The following MEIS2 variants were observed in gnomAD, a reference collection of about 807,000 sequenced individuals.
MEIS2 encodes homeobox protein Meis2.
A neutral mutation model predicts 58.6 loss-of-function variants in MEIS2; 9 were observed. That is an observed-to-expected ratio of 0.15 (90% confidence interval 0.09 to 0.27). MEIS2 has a LOEUF of 0.27. Ranked by LOEUF, MEIS2 falls within the 10% of genes least tolerant of loss-of-function variation. The pLI is 1.00. For missense variants in MEIS2, 427 were observed against 635.0 expected (o/e 0.67, Z 3.52); for synonymous variants, 221 against 228.4 (o/e 0.97, Z 0.29).
At chr15:37,078,996 G>A (rs1344955254) in intron 7 of MEIS2, among the ~76,000 whole-genome samples, 1 of 151,982 alleles carries the variant, frequency 6.6e-6, no homozygotes, top group Non-Finnish European at 1.5e-5. Context: ...TGCTCCTAGA[G>A]CATTTATTTA....
At chr15:36,949,961 A>G (rs1310163187) in intron 9 of MEIS2, among the ~76,000 whole-genome samples, 3 of 152,022 alleles carry the variant, frequency 2.0e-5, no homozygotes, top group African/African-American at 7.2e-5. Context: ...CCGTATGAGG[A>G]CTGTGCAAAA....
At chr15:36,894,861 T>C in intron 11 of MEIS2, 1 of 1,415,444 alleles carries the variant, frequency 7.1e-7, no homozygotes, top group Non-Finnish European at 1.0e-6. Flanking sequence ...CAGCAATAAT[T>C]GATGGTGAAA....
intron 8 of MEIS2, among the ~76,000 whole-genome samples, chr15:36,989,279 G>A (rs1220981070): frequency 6.6e-6 from 1 of 152,196 alleles, no homozygotes; most frequent in African/African-American, 2.4e-5. Context: ...TGGTTTTCCT[G>A]TAAATTTTCA....
At chr15:37,029,629 G>A (rs753361700) in intron 8 of MEIS2, among the ~76,000 whole-genome samples, 36 of 152,124 alleles carry the variant, frequency 2.4e-4, no homozygotes, top group Non-Finnish European at 4.7e-4. Flanking sequence ...TAAGCTCTGA[G>A]CGGCTTCAAG....
At chr15:37,065,930 C>G (rs1275017163) in intron 7 of MEIS2, among the ~76,000 whole-genome samples, 1 of 152,082 alleles carries the variant, frequency 6.6e-6, no homozygotes, top group Non-Finnish European at 1.5e-5. Context: ...CACAAATAAG[C>G]ATTTTTACTT....
In MEIS2 at chr15:36,889,960, A is replaced by T. The variant is rs2055792008; in HGVS notation, c.*2213T>A. 6.6e-6 allele frequency: 1 copy of T among 152,174 alleles called. No individual in the cohort carries two copies. The highest frequency in any genetic ancestry group is 1.5e-5 in the Non-Finnish European group (1 of 68,014). 9.4% of individuals were successfully genotyped at this position (152,174 alleles called of 1,614,324 possible). ...AACAGCAACACAACACTTAAACTGA[A>T]ATGTATTTGTAAAAATTCTACCTGA... On this transcript the variant is annotated 3_prime_UTR_variant, in exon 12 of 12. Coordinates refer to ENST00000561208, the MANE Select transcript of MEIS2 (RefSeq NM_170675.5).
At chr15:37,070,396 T>A (rs1429790643) in intron 7 of MEIS2, among the ~76,000 whole-genome samples, 1 of 152,126 alleles carries the variant, frequency 6.6e-6, no homozygotes, top group Non-Finnish European at 1.5e-5. Flanking sequence ...CCGGACCACA[T>A]TTTCCAGAGT....
chr15:36,930,819 T>C (rs1194760), intron 9 of MEIS2, among the ~76,000 whole-genome samples: 15,038 of 152,262 alleles, frequency 0.099, 840 homozygotes, highest in East Asian at 0.21. Flanking sequence ...TTATTTTATC[T>C]ATCACATTAT....
chr15:37,029,479 A>C (rs1176932924), intron 8 of MEIS2, among the ~76,000 whole-genome samples: 1 of 152,200 alleles, frequency 6.6e-6, no homozygotes, highest in African/African-American at 2.4e-5. Flanking sequence ...TTAACCATTC[A>C]AGATCCTTAA....
At chr15:37,083,077 C>T (rs1468943191) in intron 7 of MEIS2, among the ~76,000 whole-genome samples, 1 of 152,116 alleles carries the variant, frequency 6.6e-6, no homozygotes, top group African/African-American at 2.4e-5. Context: ...ATGAGTCATT[C>T]CTACCAATAT....
At chr15:36,895,350 TTA>T in intron 10 of MEIS2, 89 bp from the exon 11 acceptor site, 1 of 1,140,494 alleles carries the variant, frequency 8.8e-7, no homozygotes, top group East Asian at 2.4e-5. Flanking sequence ...CACTGAAACG[TTA>T]TAGCAACAAT....
intron 8 of MEIS2, among the ~76,000 whole-genome samples, chr15:36,988,829 G>A (rs1412823528): frequency 6.6e-6 from 1 of 151,952 alleles, no homozygotes; most frequent in Non-Finnish European, 1.5e-5. Context: ...ATTTTAAGAG[G>A]GTTAATTCAT....
intron 9 of MEIS2, among the ~76,000 whole-genome samples, chr15:36,936,574 T>C (rs1007918393): frequency 3.9e-5 from 6 of 152,208 alleles, no homozygotes; most frequent in Non-Finnish European, 8.8e-5. Flanking sequence ...AGGAATGTGT[T>C]CCTGAGAACC....
intron 7 of MEIS2, among the ~76,000 whole-genome samples, chr15:37,070,415 A>C (rs1890543581): frequency 6.6e-6 from 1 of 152,174 alleles, no homozygotes; most frequent in South Asian, 2.1e-4. Context: ...GTGTGTTCTG[A>C]GAAAGACTGG....
intron 7 of MEIS2, among the ~76,000 whole-genome samples, chr15:37,076,518 A>C (rs1409133231): frequency 2.0e-5 from 3 of 151,636 alleles, no homozygotes; most frequent in African/African-American, 7.3e-5. Context: ...CACAGCACTG[A>C]CTCTAGGGGA....
At chr15:36,939,108 C>G (rs755418467) in intron 9 of MEIS2, among the ~76,000 whole-genome samples, 1 of 152,178 alleles carries the variant, frequency 6.6e-6, no homozygotes, top group South Asian at 2.1e-4. Flanking sequence ...ACTACTAAAA[C>G]AGTTCTTCCT....
intron 9 of MEIS2, among the ~76,000 whole-genome samples, chr15:36,916,231 T>C (rs979363632): frequency 6.7e-6 from 1 of 148,724 alleles, no homozygotes; most frequent in African/African-American, 2.5e-5. Flanking sequence ...ATTGAGACCA[T>C]CCTGGCTAAA....
chr15:36,894,851 C>T, intron 11 of MEIS2: 1 of 1,467,786 alleles, frequency 6.8e-7, no homozygotes, highest in South Asian at 1.1e-5. Flanking sequence ...GCCGGAAAAT[C>T]AGCAATAATT....
At chr15:37,057,046 A>G (rs1338815280) in intron 7 of MEIS2, among the ~76,000 whole-genome samples, 1 of 152,234 alleles carries the variant, frequency 6.6e-6, no homozygotes, top group Non-Finnish European at 1.5e-5. Context: ...GCTAATGTGA[A>G]TTCCCAGCCT....
Sources: allele counts gnomAD v4.1 joint callset (sites outside exome capture counted in the v4.1 genomes callset), GRCh38; gene constraint gnomAD v4.1.1; transcripts MANE v1.5; gene names NCBI Gene and HGNC (gene_info 2026-07-23, HGNC 2026-07-21).